The following TBXAS1 variants were observed in gnomAD, a reference collection of about 807,000 sequenced individuals.
TBXAS1 encodes thromboxane-A synthase.
A neutral mutation model predicts 60.7 loss-of-function variants in TBXAS1; 48 were observed. That is an observed-to-expected ratio of 0.79 (90% CI 0.63 to 1.01). TBXAS1 has a LOEUF of 1.01. Ranked by LOEUF, TBXAS1 falls within the 50% of genes least tolerant of loss-of-function variation. TBXAS1 has a pLI of 0.00. For missense variants in TBXAS1, 685 were observed against 686.3 expected (o/e 1.00, Z 0.02); for synonymous variants, 287 against 269.7 (o/e 1.06, Z -0.63).
At chr7:139,869,503 T>C (rs1346938836) in intron 1 of TBXAS1, among the ~76,000 whole-genome samples, 1 of 152,180 alleles carries the variant, frequency 6.6e-6, no homozygotes, top group Non-Finnish European at 1.5e-5. Context: ...TTCTCTTATC[T>C]TAGCCTCCCG....
rs78662088 is a variant in TBXAS1 at position 139,949,642 on chromosome 7, A to G, written c.451-3726A>G. Reference sequence around the variant, plus strand: ...GGTTTGTGAGAATTTAGAAAAGCATACAGTAGTCATGAAGCATCAACACAG... The same window carrying G: ...GGTTTGTGAGAATTTAGAAAAGCATGCAGTAGTCATGAAGCATCAACACAG... On this transcript the variant is annotated intron_variant, in intron 5 of 12. Coordinates refer to ENST00000448866, the MANE Select transcript of TBXAS1 (RefSeq NM_001061.7). Among the ~76,000 whole-genome samples the G allele has an allele frequency of 3.5e-3, 532 of 152,360 alleles. 4 individuals carry two copies. The highest frequency in any genetic ancestry group is 0.012 in the African/African-American group (515 of 41,584).
At chr7:139,805,783 T>A (rs1185153800) in intron 4 of TBXAS1, among the ~76,000 whole-genome samples, 1 of 148,552 alleles carries the variant, frequency 6.7e-6, no homozygotes, top group Non-Finnish European at 1.5e-5. Flanking sequence ...TCTTTTTTTT[T>A]TTTGAAACAG....
chr7:139,858,613 C>G (rs1303898819), intron 1 of TBXAS1, among the ~76,000 whole-genome samples: 1 of 152,214 alleles, frequency 6.6e-6, no homozygotes, highest in Non-Finnish European at 1.5e-5. Context: ...CCTGCAGCAT[C>G]CTGGTACCCG....
chr7:139,819,452 C>T (rs1246057293), intron 4 of TBXAS1, among the ~76,000 whole-genome samples: 1 of 152,152 alleles, frequency 6.6e-6, no homozygotes, highest in Non-Finnish European at 1.5e-5. Context: ...TTGGGGGCCC[C>T]TCATTACAAC....
chr7:139,819,921 G>C (rs1243362444), intron 4 of TBXAS1, among the ~76,000 whole-genome samples: 1 of 151,816 alleles, frequency 6.6e-6, no homozygotes, highest in Non-Finnish European at 1.5e-5. Flanking sequence ...TCTTCTGCTT[G>C]AGAGTTTCTA....
chr7:139,857,722 CTTCTT>C, intron 1 of TBXAS1, among the ~76,000 whole-genome samples: 1 of 148,528 alleles, frequency 6.7e-6, no homozygotes, highest in Middle Eastern at 3.5e-3. Context: ...ATTTTCTTTT[CTTCTT>C]AATTTTTTTT....
rs1255826374 is a variant in TBXAS1 at position 139,879,166 on chromosome 7, G to GT, written c.236+3532dup. 2.0e-5 allele frequency among the ~76,000 whole-genome samples: 3 copies of GT among 152,192 alleles called. No homozygotes were observed. The East Asian group carries it at 5.8e-4, about 29-fold the overall frequency. ...ATCAAGATGGGCAGACAACATCAAT[G>GT]TTTATCATTACCACCAACACTGCCA... On this transcript the variant is annotated intron_variant, in intron 3 of 12. Coordinates refer to ENST00000448866, the MANE Select transcript of TBXAS1 (RefSeq NM_001061.7).
intron 9 of TBXAS1, among the ~76,000 whole-genome samples, chr7:139,984,868 GAGAA>G (rs1241111873): frequency 5.3e-5 from 7 of 132,806 alleles, no homozygotes; most frequent in South Asian, 4.8e-4. Context: ...AAAGAAGAAA[GAGAA>G]AGAAAGAAAA....
At chr7:139,848,022 T>C (rs916183774) in intron 1 of TBXAS1, among the ~76,000 whole-genome samples, 6 of 152,104 alleles carry the variant, frequency 3.9e-5, no homozygotes, top group African/African-American at 1.4e-4. Flanking sequence ...GGTCTTGCTA[T>C]ATTTCCCAGG....
At chr7:140,003,457 G>A (rs867176402) in intron 9 of TBXAS1, among the ~76,000 whole-genome samples, 26 of 152,024 alleles carry the variant, frequency 1.7e-4, no homozygotes, top group African/African-American at 5.6e-4. Context: ...CACCCACCTC[G>A]GCCTCCCAAA....
At chr7:139,841,718 G>A (rs1230216609) in intron 1 of TBXAS1, among the ~76,000 whole-genome samples, 1 of 152,058 alleles carries the variant, frequency 6.6e-6, no homozygotes, top group African/African-American at 2.4e-5. Context: ...ATGAGAGTAC[G>A]AGGTATGACT....
chr7:140,007,390 G>A (rs1220855604), intron 10 of TBXAS1, among the ~76,000 whole-genome samples: 3 of 152,156 alleles, frequency 2.0e-5, no homozygotes, highest in Non-Finnish European at 2.9e-5. Context: ...AGCTTCACAG[G>A]CATTTTCTTA....
At chr7:139,833,148 C>T (rs1798819903) in intron 1 of TBXAS1, among the ~76,000 whole-genome samples, 1 of 152,166 alleles carries the variant, frequency 6.6e-6, no homozygotes, top group Non-Finnish European at 1.5e-5. Context: ...CATTTCAATA[C>T]TAACACTGAA....
chr7:139,780,221 C>G (rs867942443), intron 1 of TBXAS1, among the ~76,000 whole-genome samples: 1 of 152,146 alleles, frequency 6.6e-6, no homozygotes, highest in South Asian at 2.1e-4. Context: ...TAATACATAC[C>G]CTACATGCAT....
chr7:139,816,864 G>A (rs953389172), intron 4 of TBXAS1, among the ~76,000 whole-genome samples: 2 of 152,126 alleles, frequency 1.3e-5, no homozygotes, highest in Non-Finnish European at 2.9e-5. Flanking sequence ...AACCCTGGAG[G>A]CTTCCTCGTA....
At chr7:139,995,485 T>G (rs1267933270) in intron 9 of TBXAS1, among the ~76,000 whole-genome samples, 2 of 151,936 alleles carry the variant, frequency 1.3e-5, no homozygotes, top group Non-Finnish European at 2.9e-5. Flanking sequence ...TGTCCCTGGG[T>G]GGGTGGGGGC....
At chr7:139,937,366 A>T (rs535076970) in intron 5 of TBXAS1, among the ~76,000 whole-genome samples, 1 of 152,184 alleles carries the variant, frequency 6.6e-6, no homozygotes, top group Non-Finnish European at 1.5e-5. Flanking sequence ...TAAGCTCAAG[A>T]TGCTCATCCA....
At chr7:139,808,979 TAA>T (rs11358840) in intron 4 of TBXAS1, among the ~76,000 whole-genome samples, 3,183 of 125,820 alleles carry the variant, frequency 0.025, 41 homozygotes, top group African/African-American at 0.034. Context: ...CAGGTCTTCA[TAA>T]AAAAAAAAAA....
At chr7:139,919,276 C>T (rs1446798122) in intron 4 of TBXAS1, among the ~76,000 whole-genome samples, 1 of 152,192 alleles carries the variant, frequency 6.6e-6, no homozygotes, top group Non-Finnish European at 1.5e-5. Context: ...TTAGAAACAA[C>T]GTTTGTAACA....
Sources: allele counts gnomAD v4.1 joint callset (sites outside exome capture counted in the v4.1 genomes callset), GRCh38; gene constraint gnomAD v4.1.1; transcripts MANE v1.5; gene names NCBI Gene and HGNC (gene_info 2026-07-23, HGNC 2026-07-21).